Variants in SHANK2 observed in about 807,000 individuals in gnomAD.
The protein encoded by SHANK2 is SH3 and multiple ankyrin repeat domains protein 2.
In SHANK2, 43 loss-of-function variants were observed where a neutral mutation model predicts 133.7. The ratio of observed to expected loss-of-function variants is 0.32; its 90% CI spans 0.25 to 0.41. The LOEUF (loss-of-function observed/expected upper bound fraction) is 0.41, where lower values mean the gene tolerates loss of function less well. SHANK2 is among the 10% of genes least tolerant of loss of function. The pLI, the probability that SHANK2 is intolerant of heterozygous loss-of-function variation, is 1.00. For missense variants in SHANK2, 1,994 were observed against 2,235.8 expected (o/e 0.89, Z 2.18); for synonymous variants, 1,017 against 952.8 (o/e 1.07, Z -1.24).
At chr11:70,810,028 G>A (rs1948246201) in intron 12 of SHANK2, among the ~76,000 whole-genome samples, 1 of 152,236 alleles carries the variant, frequency 6.6e-6, no homozygotes, top group South Asian at 2.1e-4. Context: ...TGCACAGCCA[G>A]GAGAATTCCA....
chr11:70,556,545 A>G (rs1189013815), intron 17 of SHANK2, among the ~76,000 whole-genome samples: 1 of 150,876 alleles, frequency 6.6e-6, no homozygotes, highest in Non-Finnish European at 1.5e-5. Flanking sequence ...CCTCCTGACT[A>G]GCTGGGACTA....
At chr11:70,784,326 C>T (rs932363041) in intron 14 of SHANK2, among the ~76,000 whole-genome samples, 53 of 140,140 alleles carry the variant, frequency 3.8e-4, no homozygotes, top group African/African-American at 1.2e-3. Flanking sequence ...ACAGGGCGTG[C>T]GCCACCACAC....
chr11:71,066,978 T>C (rs1373880947), intron 9 of SHANK2, among the ~76,000 whole-genome samples: 2 of 152,204 alleles, frequency 1.3e-5, no homozygotes, highest in Admixed American at 6.5e-5. Flanking sequence ...CCACAAGGCA[T>C]GGGTTGGAAA....
chr11:70,880,444 G>A (rs1459622642), intron 11 of SHANK2, among the ~76,000 whole-genome samples: 9 of 152,340 alleles, frequency 5.9e-5, no homozygotes, highest in African/African-American at 2.2e-4. Context: ...GGCAGGGACA[G>A]CTCCTGCCTG....
intron 14 of SHANK2, among the ~76,000 whole-genome samples, chr11:70,718,221 G>A (rs1945988737): frequency 1.3e-5 from 2 of 152,176 alleles, no homozygotes; most frequent in African/African-American, 4.8e-5. Flanking sequence ...AGCTGTCCTC[G>A]TCCCCAGTAA....
chr11:71,124,636 A>G (rs1265220121), intron 3 of SHANK2, among the ~76,000 whole-genome samples: 1 of 152,138 alleles, frequency 6.6e-6, no homozygotes, highest in Non-Finnish European at 1.5e-5. Flanking sequence ...CACTTCTAGA[A>G]AGCAGTAGAG....
intron 12 of SHANK2, among the ~76,000 whole-genome samples, chr11:70,819,558 T>C (rs1229372260): frequency 6.6e-6 from 1 of 152,188 alleles, no homozygotes; most frequent in Non-Finnish European, 1.5e-5. Context: ...CCAGCTCCCC[T>C]GGCTGCTTGG....
intron 4 of SHANK2, 136 bp downstream of exon 4, chr11:71,118,693 G>A: frequency 1.3e-6 from 1 of 784,052 alleles, no homozygotes; most frequent in Non-Finnish European, 2.0e-6. Flanking sequence ...CAAGACCCCA[G>A]ACTGATTTTT....
chr11:71,155,106 G>A (rs1452558214), intron 2 of SHANK2, among the ~76,000 whole-genome samples: 1 of 108,290 alleles, frequency 9.2e-6, no homozygotes, highest in Non-Finnish European at 1.8e-5. Flanking sequence ...CCCAGCCCAC[G>A]CTCCCGGAGG....
chr11:70,821,848 C>A (rs1429352504), intron 11 of SHANK2, among the ~76,000 whole-genome samples: 1 of 152,172 alleles, frequency 6.6e-6, no homozygotes, highest in African/African-American at 2.4e-5. Flanking sequence ...TTCCTCCCTC[C>A]CATCAAGTGG....
intron 15 of SHANK2, among the ~76,000 whole-genome samples, chr11:70,694,133 G>A (rs1212692098): frequency 7.9e-5 from 12 of 152,218 alleles, no homozygotes; most frequent in Admixed American, 7.2e-4. Context: ...CCCATTCCCT[G>A]AGTGGAGACA....
At chr11:70,578,711 C>T (rs781786837) in intron 17 of SHANK2, among the ~76,000 whole-genome samples, 4 of 152,220 alleles carry the variant, frequency 2.6e-5, no homozygotes, top group Non-Finnish European at 5.9e-5. Flanking sequence ...TGCTAATTTA[C>T]ATGAAATGGA....
intron 17 of SHANK2, among the ~76,000 whole-genome samples, chr11:70,607,553 C>T (rs568097048): frequency 2.6e-5 from 4 of 152,234 alleles, no homozygotes; most frequent in Non-Finnish European, 5.9e-5. Context: ...CCAGCATTTA[C>T]TCCCTGGGCC....
rs531823047 is a variant in SHANK2 at position 71,130,018 on chromosome 11, C to T, written c.208-10986G>A. ...TCTGTGTCCCCAGGTGGTTGTCCCT[C>T]TGTGTGTGTCTGCGTCCTCACCTCC... On this transcript the variant is annotated intron_variant, in intron 3 of 25. Transcript: ENST00000601538. 1.3e-3 allele frequency among the ~76,000 whole-genome samples: 201 copies of T among 152,338 alleles called. 2 individuals are homozygous for T. The highest frequency in any genetic ancestry group is 8.5e-3 in the South Asian group (41 of 4,828).
intron 2 of SHANK2, among the ~76,000 whole-genome samples, chr11:71,151,377 A>G (rs1952794757): frequency 1.3e-5 from 2 of 152,128 alleles, no homozygotes. Flanking sequence ...CACTGGAACC[A>G]TGTCCTCAGC....
intron 8 of SHANK2, 66 bp downstream of exon 8, chr11:71,092,356 C>A (rs781850476): frequency 8.5e-6 from 13 of 1,528,578 alleles, no homozygotes; most frequent in Non-Finnish European, 1.1e-5. Context: ...TGCTTATCTG[C>A]GGGATCGGAG....
intron 14 of SHANK2, among the ~76,000 whole-genome samples, chr11:70,733,785 A>C (rs1946337015): frequency 6.6e-6 from 1 of 152,156 alleles, no homozygotes; most frequent in African/African-American, 2.4e-5. Flanking sequence ...TCTGGGGAAG[A>C]GGGAGGCCCA....
chr11:70,690,488 G>GGTTTTTTT (rs1945259050), intron 15 of SHANK2, among the ~76,000 whole-genome samples: 1 of 32,802 alleles, frequency 3.0e-5, no homozygotes, highest in Non-Finnish European at 5.1e-5. Context: ...TACTTCCCAT[G>GGTTTTTTT]TTTTTTTTTT....
At chr11:71,144,952 A>G (rs55757613) in intron 3 of SHANK2, among the ~76,000 whole-genome samples, 40,214 of 152,240 alleles carry the variant, frequency 0.26, 5,855 homozygotes, top group African/African-American at 0.37. Context: ...GTGTCGGAAC[A>G]GGGCTCTGCC....
Sources: allele counts gnomAD v4.1 joint callset (sites outside exome capture counted in the v4.1 genomes callset), GRCh38; gene constraint gnomAD v4.1.1; transcripts MANE v1.5; gene names NCBI Gene and HGNC (gene_info 2026-07-23, HGNC 2026-07-21).